The following DNAJC21 variants were observed in gnomAD, a reference collection of about 807,000 sequenced individuals.
DNAJC21 encodes the protein DnaJ heat shock protein family (Hsp40) member C21, also known as dnaJ homolog subfamily C member 21.
Under a neutral mutation model 72.4 loss-of-function variants are expected in DNAJC21, and 63 were observed. That is an observed-to-expected ratio of 0.87 (90% CI 0.71 to 1.07). The LOEUF (loss-of-function observed/expected upper bound fraction) is 1.07, where lower values mean the gene tolerates loss of function less well. DNAJC21 is among the 50% of genes least tolerant of loss of function. The probability of loss-of-function intolerance (pLI) is 0.00; values close to 1 mark genes in which losing one functional copy is unlikely to be tolerated. For synonymous variants in DNAJC21, 203 were observed against 216.7 expected (o/e 0.94, Z 0.56); for missense variants, 634 against 644.8 (o/e 0.98, Z 0.18).
chr5:34,946,928 A>G (rs1317465513), intron 9 of DNAJC21, among the ~76,000 whole-genome samples: 1 of 152,162 alleles, frequency 6.6e-6, no homozygotes, highest in Admixed American at 6.5e-5. Context: ...GTTTCTCTCA[A>G]AAGCTATATT....
chr5:34,936,249 C>CA lies in DNAJC21; in HGVS notation c.422dup (p.Ser142GlufsTer2), dbSNP rs771887194. The stretch of plus-strand genomic sequence containing the variant: ...TGATTTCCCAACTTTTGGAGACTCC[C>CA]AGAGTGACTATGATACGGTAAAATA... On this transcript the variant is annotated frameshift_variant, in exon 4 of 12. Coordinates refer to ENST00000648817, the MANE Select transcript of DNAJC21 (RefSeq NM_001012339.3). LOFTEE classifies it high-confidence loss of function. The CA allele has an allele frequency of 2.5e-6, 4 of 1,613,138 alleles. No individual in the cohort carries two copies. The highest frequency in any genetic ancestry group is 2.5e-6 in the Non-Finnish European group (3 of 1,179,794).
rs1227531857 is a variant in DNAJC21, at chr5:34,957,984, T to G, written c.*3270T>G. On this transcript the variant is annotated 3_prime_UTR_variant, in exon 12 of 12. Coordinates refer to ENST00000648817, the MANE Select transcript of DNAJC21 (RefSeq NM_001012339.3). ...GGCTCTTGGGATTGGAGAGGAAAAA[T>G]TAGAGGTGATTTTCAGATTTCTTGT... is the stretch of plus-strand genomic sequence containing the variant. 6.6e-6 allele frequency: 1 copy of G among 152,060 alleles called. No individual in the cohort carries two copies. Among genetic ancestry groups the G allele is most frequent in the East Asian group, 1.9e-4 (1 of 5,190 alleles). The allele number at this position is 152,060 out of a possible 1,614,324, so 9.4% of individuals were successfully genotyped here. A position where few individuals can be genotyped will look rare whatever the true frequency, so the allele number is the denominator to read the frequency against.
chr5:34,929,598 C>G lies in DNAJC21; in HGVS notation c.-222C>G, dbSNP rs1361608465. 2 of 153,786 alleles carry G rather than the reference C, an allele frequency of 1.3e-5. No homozygotes were observed. Among genetic ancestry groups the G allele is most frequent in the Non-Finnish European group, 2.9e-5 (2 of 69,436 alleles). 9.5% of individuals were successfully genotyped at this position (153,786 alleles called of 1,614,324 possible). A position where few individuals can be genotyped will look rare whatever the true frequency, so the allele number is the denominator to read the frequency against. On this transcript the variant is annotated 5_prime_UTR_variant, in exon 1 of 12. Coordinates refer to ENST00000648817, the MANE Select transcript of DNAJC21 (RefSeq NM_001012339.3). ...CCGCCGGCACCGCCCCCGCCGCGCT[C>G]CCGCTTGCCGCAGCCTGCGTCGTCT...
At chr5:34,935,599 G>A in intron 2 of DNAJC21, 111 bp from the exon 3 acceptor site, 1 of 1,376,786 alleles carries the variant, frequency 7.3e-7, no homozygotes, top group Non-Finnish European at 1.0e-6. Flanking sequence ...GTTATGGATT[G>A]GACATATCAA....
At position 34,948,841 on chromosome 5, in the gene DNAJC21, G is replaced by A. The variant is rs59710996; in HGVS notation, c.1186-1329G>A. Among the ~76,000 whole-genome samples, 396 of 152,060 alleles carry A rather than the reference G, an allele frequency of 2.6e-3. 4 individuals carry two copies. Among genetic ancestry groups the A allele is most frequent in the African/African-American group, 9.4e-3 (389 of 41,466 alleles). ...GATCACGCCACTGCACTCCAGCCTG[G>A]GCAACAGAGCAAGACTGTCTCAAAA... On this transcript the variant is annotated intron_variant, in intron 9 of 11. Coordinates refer to ENST00000648817, the MANE Select transcript of DNAJC21 (RefSeq NM_001012339.3).
rs769128664 is a variant in DNAJC21, at chr5:34,937,639, C to T, written c.743+9C>T. 22 of 1,605,052 alleles carry T rather than the reference C, an allele frequency of 1.4e-5. No homozygotes were observed. The African/African-American group carries it at 1.6e-4, about 12-fold the overall frequency. ...AAGCTAAAGCAGGCCAAGTGCGTAG[C>T]GTGCGTGGGGCCCTCTTCTCAGTAT... On this transcript the variant is annotated intron_variant, in intron 5 of 11. Coordinates refer to ENST00000648817, the MANE Select transcript of DNAJC21 (RefSeq NM_001012339.3).
At chr5:34,952,117 TA>T (rs1330124277) in intron 10 of DNAJC21, 2 of 968,798 alleles carry the variant, frequency 2.1e-6, no homozygotes, top group Non-Finnish European at 2.4e-6. Flanking sequence ...AGTGTTTTTT[TA>T]AAAAATGTGT....
In DNAJC21 at chr5:34,936,231, C is replaced by T; in HGVS notation, c.403C>T (p.Pro135Ser). 5 of 1,613,926 alleles carry T rather than the reference C, an allele frequency of 3.1e-6. No homozygotes were observed. Among genetic ancestry groups the T allele is most frequent in the Non-Finnish European group, 4.2e-6 (5 of 1,179,954 alleles). Residue 135 changes from proline to serine, a missense_variant, in exon 4 of 12, where the codon CCA becomes TCA. Pro to Ser is a moderately conservative substitution (Grantham distance 74). Transcript: ENST00000648817. ...GTTAGAGGAAGAGGTTGATGATTTC[C>T]CAACTTTTGGAGACTCCCAGAGTGA... Reference protein sequence around the residue: ...SVLEEEVDDFPTFGDSQSDYD... With the variant: ...SVLEEEVDDFSTFGDSQSDYD...
chr5:34,946,739 C>A (rs967790386), intron 9 of DNAJC21, among the ~76,000 whole-genome samples: 1 of 152,164 alleles, frequency 6.6e-6, no homozygotes, highest in African/African-American at 2.4e-5. Context: ...AACACTTTCT[C>A]TTTCCTTTGT....
rs1328695471 is a variant in DNAJC21 at position 34,929,592 on chromosome 5, C to G, written c.-228C>G. 6.5e-6 allele frequency: 1 copy of G among 153,336 alleles called. No homozygotes were observed. Among genetic ancestry groups the G allele is most frequent in the Non-Finnish European group, 1.5e-5 (1 of 68,940 alleles). The allele number at this position is 153,336 out of a possible 1,614,324, so 9.5% of individuals were successfully genotyped here. The stretch of plus-strand genomic sequence containing the variant: ...CGGCGGCCGCCGGCACCGCCCCCGC[C>G]GCGCTCCCGCTTGCCGCAGCCTGCG... On this transcript the variant is annotated 5_prime_UTR_variant, in exon 1 of 12. Coordinates refer to ENST00000648817, the MANE Select transcript of DNAJC21 (RefSeq NM_001012339.3).
intron 7 of DNAJC21, among the ~76,000 whole-genome samples, chr5:34,943,526 A>T (rs1031572921): frequency 1.3e-5 from 2 of 152,146 alleles, no homozygotes; most frequent in Admixed American, 6.5e-5. Context: ...TACTAATTTT[A>T]CTATAGAGTT....
chr5:34,951,726 A>G (rs1765373335), intron 10 of DNAJC21: 5 of 847,438 alleles, frequency 5.9e-6, no homozygotes, highest in Non-Finnish European at 7.1e-6. Flanking sequence ...CGGTTTCACC[A>G]TGTTGCACAG....
chr5:34,945,838 A>G, intron 9 of DNAJC21, 35 bp downstream of exon 9: 1 of 1,478,788 alleles, frequency 6.8e-7, no homozygotes, highest in Non-Finnish European at 9.2e-7. Context: ...ATTAAATGCC[A>G]ACGATAAAGT....
intron 1 of DNAJC21, among the ~76,000 whole-genome samples, chr5:34,931,950 C>A (rs1045832718): frequency 6.6e-6 from 1 of 152,174 alleles, no homozygotes; most frequent in Admixed American, 6.5e-5. Flanking sequence ...ATGCAAATAT[C>A]TTCTCTAAAT....
In DNAJC21 at chr5:34,955,984, C is replaced by T. The variant is rs1324197618; in HGVS notation, c.*1270C>T. On this transcript the variant is annotated 3_prime_UTR_variant, in exon 12 of 12. Transcript: ENST00000648817. Reference sequence around the variant, plus strand: ...AGGAGAATGGCGTGAACCCGGGAGGCGGAGCTTGCAGTGAGCCGAGATCCC... The same window carrying T: ...AGGAGAATGGCGTGAACCCGGGAGGTGGAGCTTGCAGTGAGCCGAGATCCC... 2.3e-5 allele frequency: 3 copies of T among 128,670 alleles called. No homozygotes were observed. The highest frequency in any genetic ancestry group is 3.1e-5 in the Non-Finnish European group (2 of 63,610). 8.0% of individuals were successfully genotyped at this position (128,670 alleles called of 1,614,324 possible). A position where few individuals can be genotyped will look rare whatever the true frequency, so the allele number is the denominator to read the frequency against.
At chr5:34,954,193 G>T in intron 11 of DNAJC21, 192 bp downstream of exon 11, 1 of 531,214 alleles carries the variant, frequency 1.9e-6, no homozygotes. Flanking sequence ...CATTGGAAAT[G>T]CTAGACTGTA....
intron 9 of DNAJC21, among the ~76,000 whole-genome samples, chr5:34,948,801 G>A (rs976583546): frequency 6.6e-6 from 1 of 152,048 alleles, no homozygotes; most frequent in Admixed American, 6.5e-5. Flanking sequence ...GGAGGCTGAG[G>A]TTGCAGTGAG....
At chr5:34,941,707 C>T (rs1013685223) in intron 7 of DNAJC21, among the ~76,000 whole-genome samples, 37 of 151,764 alleles carry the variant, frequency 2.4e-4, no homozygotes, top group African/African-American at 7.0e-4. Flanking sequence ...GCTGGGACTA[C>T]AGATGCAGGT....
intron 6 of DNAJC21, among the ~76,000 whole-genome samples, chr5:34,940,767 A>T (rs1580530626): frequency 1.3e-5 from 2 of 152,352 alleles, no homozygotes; most frequent in South Asian, 4.1e-4. Flanking sequence ...CTCAAGAGGT[A>T]AACTAAGAAA....
Sources: gnomAD v4.1 joint callset for allele counts (sites outside exome capture counted in the v4.1 genomes callset) on GRCh38, gnomAD v4.1.1 for gene constraint, MANE v1.5 for transcripts, NCBI Gene and HGNC (gene_info 2026-07-23, HGNC 2026-07-21) for gene names.